TTLL4: variants seen among roughly 807,000 people sequenced by gnomAD.
TTLL4 encodes tubulin monoglutamylase TTLL4.
A neutral mutation model predicts 122.7 loss-of-function variants in TTLL4; 85 were observed. The ratio of observed to expected loss-of-function variants is 0.69; its 90% CI spans 0.58 to 0.83. The LOEUF (loss-of-function observed/expected upper bound fraction) is 0.83. TTLL4 is among the 40% of genes least tolerant of loss of function. The pLI is 0.00. For synonymous variants in TTLL4, 553 were observed against 563.0 expected, an observed-to-expected ratio of 0.98 and a Z score of 0.25; for missense variants, 1,363 against 1,488.6, an observed-to-expected ratio of 0.92 and a Z score of 1.39.
chr2:218,750,035 T>A lies in TTLL4; in HGVS notation c.2762T>A (p.Ile921Asn). The A allele has an allele frequency of 6.2e-7, 1 of 1,614,132 alleles. No homozygotes were observed. The highest frequency in any genetic ancestry group is 8.5e-7 in the Non-Finnish European group (1 of 1,179,992). Residue 921 changes from isoleucine (I) to asparagine (N), a missense_variant, in exon 15 of 20, where the codon ATC (isoleucine) becomes AAC (asparagine). Physicochemically the swap from Ile to Asn is moderately radical, Grantham distance 149. Transcript: ENST00000392102. ...PSLHSSSPLD[I>N]SIKGQMIRDL... ...CTCCACTCCAGCTCTCCACTGGATA[T>A]CAGCATCAAAGGCCAGATGATTCGT...
At chr2:218,725,981 T>C (rs1298578204) in intron 1 of TTLL4, among the ~76,000 whole-genome samples, 1 of 152,248 alleles carries the variant, frequency 6.6e-6, no homozygotes, top group Admixed American at 6.5e-5. Context: ...CTGTTTGAGT[T>C]TGTCCATTTA....
At chr2:218,746,489 C>T (rs1215428997) in intron 8 of TTLL4, 1 of 519,502 alleles carries the variant, frequency 1.9e-6, no homozygotes, top group African/African-American at 1.9e-5. Context: ...GAACTCCAAC[C>T]TCATAGGAGG....
At chr2:218,758,755 C>G (rs1281489973), downstream of TTLL4, among the ~76,000 whole-genome samples, 1 of 152,240 alleles carries the variant, frequency 6.6e-6, no homozygotes, top group African/African-American at 2.4e-5. Flanking sequence ...AAATGATGCA[C>G]TGGAAAGCAG....
At chr2:218,756,194 G>A (rs78509703), downstream of TTLL4, among the ~76,000 whole-genome samples, 1,937 of 152,204 alleles carry the variant, frequency 0.013, 48 homozygotes, top group African/African-American at 0.044. Context: ...ACCTAGGCAC[G>A]GAGTCCTGGT....
downstream of TTLL4, among the ~76,000 whole-genome samples, chr2:218,759,245 CAATA>C (rs967199544): frequency 3.2e-3 from 485 of 149,270 alleles, 1 homozygote; most frequent in African/African-American, 0.011. Flanking sequence ...CACTCCGTCT[CAATA>C]AATAAATAAA....
intron 13 of TTLL4, 146 bp from the exon 14 acceptor site, chr2:218,749,107 G>A (rs1484987996): frequency 2.3e-6 from 3 of 1,288,416 alleles, no homozygotes; most frequent in African/African-American, 1.5e-5. Context: ...CCAGGAGCTG[G>A]TCCCAGATCA....
chr2:218,757,614 C>T (rs1038728784), downstream of TTLL4, among the ~76,000 whole-genome samples: 14 of 152,040 alleles, frequency 9.2e-5, no homozygotes, highest in South Asian at 2.1e-4. Flanking sequence ...AACAGCTGTA[C>T]GAAGGGGCAG....
intron 1 of TTLL4, among the ~76,000 whole-genome samples, chr2:218,726,897 C>T (rs1041212097): frequency 1.2e-4 from 18 of 152,046 alleles, no homozygotes; most frequent in African/African-American, 3.1e-4. Flanking sequence ...CTTTGCCTCC[C>T]GGGTTCAAGT....
chr2:218,731,753 TC>T (rs1223102439), intron 2 of TTLL4, among the ~76,000 whole-genome samples: 1 of 152,240 alleles, frequency 6.6e-6, no homozygotes, highest in African/African-American at 2.4e-5. Context: ...CTGTGCGGTT[TC>T]AGAGTTGCAT....
intron 12 of TTLL4, 168 bp downstream of exon 12, chr2:218,748,395 C>T (rs1380010910): frequency 1.8e-6 from 2 of 1,131,236 alleles, no homozygotes; most frequent in African/African-American, 1.6e-5. Flanking sequence ...TGGCTCACGC[C>T]TGTAATCCTA....
downstream of TTLL4, among the ~76,000 whole-genome samples, chr2:218,755,866 C>A (rs991843536): frequency 6.6e-6 from 1 of 152,086 alleles, no homozygotes; most frequent in African/African-American, 2.4e-5. Flanking sequence ...CACTGAGAGG[C>A]CTGATTGGGT....
intron 5 of TTLL4, among the ~76,000 whole-genome samples, chr2:218,741,140 A>T (rs947523792): frequency 1.3e-5 from 2 of 152,182 alleles, no homozygotes; most frequent in African/African-American, 4.8e-5. Flanking sequence ...CTGTAATCCT[A>T]ACACTTTGGG....
chr2:218,741,616 G>A (rs1029887082), intron 5 of TTLL4, among the ~76,000 whole-genome samples: 5 of 152,116 alleles, frequency 3.3e-5, no homozygotes, highest in African/African-American at 9.7e-5. Context: ...ATCCCATCAC[G>A]GGCACCCTGA....
At position 218,744,223 on chromosome 2, in the gene TTLL4, A is replaced by G. The variant is rs537237545; in HGVS notation, c.1662-886A>G. On this transcript the variant is annotated intron_variant, in intron 5 of 19. Coordinates refer to ENST00000392102, the MANE Select transcript of TTLL4 (RefSeq NM_014640.5). ...GCCTATTTCTGTTGTGCTGAAAATA[A>G]TAACAGGTAAAGTGACTTTTTTAAA... 3.9e-5 allele frequency among the ~76,000 whole-genome samples: 6 copies of G among 152,370 alleles called. No individual in the cohort carries two copies. The East Asian group carries it at 9.6e-4, about 24-fold the overall frequency.
Position 218,751,654 on chromosome 2 carries a change from TAAG to T in TTLL4, c.2874-46_2874-44del, listed in dbSNP as rs1411793359. 6 of 1,591,574 alleles carry T rather than the reference TAAG, an allele frequency of 3.8e-6. No homozygotes were observed. In the South Asian group the frequency reaches 4.5e-5, roughly 12 times the overall value. ...GGACCTCCTCCATATTTCCTCCAAA[TAAG>T]AAGCTGCTGACCCTGCCCTTTGCTT... On this transcript the variant is annotated intron_variant, in intron 15 of 19. Transcript: ENST00000392102.
At chr2:218,749,554 C>T (rs572558567) in intron 14 of TTLL4, among the ~76,000 whole-genome samples, 167 bp downstream of exon 14, 8 of 152,150 alleles carry the variant, frequency 5.3e-5, no homozygotes, top group East Asian at 1.9e-4. Context: ...CTGCAACCTC[C>T]GCCTCCGGAT....
chr2:218,759,433 A>T (rs1943201848), downstream of TTLL4, among the ~76,000 whole-genome samples: 1 of 152,236 alleles, frequency 6.6e-6, no homozygotes, highest in African/African-American at 2.4e-5. Context: ...GGTTCATGCA[A>T]CACCATGGAT....
intron 1 of TTLL4, among the ~76,000 whole-genome samples, chr2:218,716,005 GTT>G (rs1003931214): frequency 6.6e-5 from 10 of 152,260 alleles, no homozygotes; most frequent in African/African-American, 2.4e-4. Flanking sequence ...AGGCATGACT[GTT>G]AGGAAAATAC....
rs1942863533 is a variant in TTLL4, at chr2:218,747,086, CAAG to C, written c.2062_2064del (p.Lys688del). Reference sequence around the variant, plus strand: ...TGTCACGTATGCAGAGCCGCTTTGGCAAGAAGGAGTTCAGTTTCTTCCCCCAGT... The same window carrying C: ...TGTCACGTATGCAGAGCCGCTTTGGCAAGGAGTTCAGTTTCTTCCCCCAGT... On this transcript the variant is annotated inframe_deletion, in exon 9 of 20. Coordinates refer to ENST00000392102, the MANE Select transcript of TTLL4 (RefSeq NM_014640.5). This position sits in a 1 kb window ranked among gnomAD's most constrained non-coding sequence, Gnocchi z 4.7. The C allele has an allele frequency of 1.2e-6, 2 of 1,614,196 alleles. No homozygotes were observed. The highest frequency in any genetic ancestry group is 1.1e-5 in the South Asian group (1 of 91,086).
Sources: gnomAD v4.1 joint callset for allele counts (sites outside exome capture counted in the v4.1 genomes callset) on GRCh38, gnomAD v4.1.1 for gene constraint, Gnocchi (gnomAD v3.1) non-coding constraint, MANE v1.5 for transcripts, NCBI Gene and HGNC (gene_info 2026-07-23, HGNC 2026-07-21) for gene names.